Variants in CDIN1 observed in about 807,000 individuals in gnomAD.
CDIN1 encodes the protein CDAN1-interacting nuclease 1.
A neutral mutation model predicts 45.3 loss-of-function variants in CDIN1; 33 were observed. The ratio of observed to expected loss-of-function variants is 0.73; its 90% confidence interval spans 0.55 to 0.97. CDIN1 has a LOEUF of 0.97. Ranked by LOEUF, CDIN1 falls within the 50% of genes least tolerant of loss-of-function variation. CDIN1 has a pLI of 0.00. For missense variants in CDIN1, 303 were observed against 339.4 expected (o/e 0.89, Z 0.84); for synonymous variants, 118 against 124.4 (o/e 0.95, Z 0.34).
rs140348150 is a variant in CDIN1, at chr15:36,677,167, C to CA, written c.347-14518_347-14517insA. On this transcript the variant is annotated intron_variant, in intron 5 of 10. Transcript: ENST00000566621. Reference sequence around the variant, plus strand: ...TGGCTTTGGAGTGGTAACAAATAAGCTTTCTGCTTTTAAGCAGCTTGCCAA... The same window carrying CA: ...TGGCTTTGGAGTGGTAACAAATAAGCATTTCTGCTTTTAAGCAGCTTGCCAA... Among the ~76,000 whole-genome samples, 1,300 of 152,236 alleles carry CA rather than the reference C, an allele frequency of 8.5e-3. 22 individuals carry two copies. Among genetic ancestry groups the CA allele is most frequent in the African/African-American group, 0.029 (1,221 of 41,528 alleles).
intron 10 of CDIN1, among the ~76,000 whole-genome samples, chr15:36,741,626 A>G (rs531464596): frequency 6.6e-6 from 1 of 152,242 alleles, no homozygotes; most frequent in East Asian, 1.9e-4. Flanking sequence ...GGCTGACATC[A>G]AAGTATCGGC....
In CDIN1 at chr15:36,712,260, CTTTTTTTT is replaced by C. The variant is rs780494427; in HGVS notation, c.716+2315_716+2322del. On this transcript the variant is annotated intron_variant, in intron 10 of 10. Transcript: ENST00000566621. ...TTCAATTACTATTTATAGACTAATG[CTTTTTTTT>C]TTTTTTTTTTTTTTTGAGATGGAGT... is the stretch of plus-strand genomic sequence containing the variant. 3.2e-3 allele frequency among the ~76,000 whole-genome samples: 248 copies of C among 77,406 alleles called. 3 individuals are homozygous for C. Among genetic ancestry groups the C allele is most frequent in the African/African-American group, 0.012 (227 of 19,500 alleles). The allele number at this position is 77,406 out of a possible 152,430, so 50.8% of individuals were successfully genotyped here. A position where few individuals can be genotyped will look rare whatever the true frequency, so the allele number is the denominator to read the frequency against.
intron 10 of CDIN1, among the ~76,000 whole-genome samples, chr15:36,710,352 A>G (rs935113572): frequency 3.9e-5 from 6 of 152,186 alleles, no homozygotes; most frequent in Admixed American, 6.6e-5. Flanking sequence ...TGAGGAAAGT[A>G]GCCAAATGAT....
chr15:36,662,278 T>A (rs961974535), intron 5 of CDIN1, among the ~76,000 whole-genome samples: 2 of 152,238 alleles, frequency 1.3e-5, no homozygotes, highest in Non-Finnish European at 2.9e-5. Context: ...TCCTCTTTAT[T>A]TTCTTAAGGG....
At chr15:36,772,877 G>A (rs2141028827) in intron 10 of CDIN1, among the ~76,000 whole-genome samples, 1 of 152,298 alleles carries the variant, frequency 6.6e-6, no homozygotes, top group Admixed American at 6.5e-5. Flanking sequence ...TTCCTAAAGA[G>A]AGGAAAGAAA....
At chr15:36,663,513 T>C (rs1222387501) in intron 5 of CDIN1, among the ~76,000 whole-genome samples, 3 of 152,118 alleles carry the variant, frequency 2.0e-5, no homozygotes, top group Non-Finnish European at 4.4e-5. Flanking sequence ...CTTTTGTTCT[T>C]GTAATAGTGA....
chr15:36,697,309 C>T lies in CDIN1; in HGVS notation c.477-14C>T. 6.2e-7 allele frequency: 1 copy of T among 1,612,256 alleles called. No individual in the cohort carries two copies. The highest frequency in any genetic ancestry group is 8.5e-7 in the Non-Finnish European group (1 of 1,179,050). ...AATTCTGCCTGTGTTACCCCCTTAA[C>T]TGAAACTTCCCAGTGCCATTGGTCA... On this transcript the variant is annotated splice_polypyrimidine_tract_variant and intron_variant, in intron 7 of 10. Coordinates refer to ENST00000566621, the MANE Select transcript of CDIN1 (RefSeq NM_001321759.2).
chr15:36,782,379 C>T (rs1225612750), intron 10 of CDIN1, among the ~76,000 whole-genome samples: 1 of 152,154 alleles, frequency 6.6e-6, no homozygotes, highest in East Asian at 1.9e-4. Context: ...GGCAAAACCG[C>T]ATTTTAATAC....
At chr15:36,669,994 A>T (rs911058178) in intron 5 of CDIN1, among the ~76,000 whole-genome samples, 1 of 152,044 alleles carries the variant, frequency 6.6e-6, no homozygotes, top group African/African-American at 2.4e-5. Flanking sequence ...TTTAGTACAC[A>T]CTCAAGTTGA....
chr15:36,789,812 T>G (rs2054599334), intron 10 of CDIN1, among the ~76,000 whole-genome samples: 1 of 149,956 alleles, frequency 6.7e-6, no homozygotes, highest in African/African-American at 2.5e-5. Flanking sequence ...CTAAAGGCAT[T>G]AAAGTAAAGA....
Position 36,678,223 on chromosome 15 carries a change from G to C in CDIN1, c.347-13462G>C, listed in dbSNP as rs74985499. Among the ~76,000 whole-genome samples the C allele has an allele frequency of 8.5e-3, 1,291 of 152,274 alleles. 17 individuals are homozygous for C. The highest frequency in any genetic ancestry group is 0.029 in the African/African-American group (1,224 of 41,550). On this transcript the variant is annotated intron_variant, in intron 5 of 10. Coordinates refer to ENST00000566621, the MANE Select transcript of CDIN1 (RefSeq NM_001321759.2). ...TGGGCTAGTGCTTAGAATTCTTGAG[G>C]AGTAGTTCCAACTGCAAGGGCAAGT...
chr15:36,593,870 G>C (rs2037697834), intron 1 of CDIN1, among the ~76,000 whole-genome samples: 1 of 152,122 alleles, frequency 6.6e-6, no homozygotes, highest in African/African-American at 2.4e-5. Context: ...GGCTGAATGA[G>C]AGTTTTTAAA....
rs142291967 is a variant in CDIN1, at chr15:36,662,431, TA to T, written c.346+4527del. Among the ~76,000 whole-genome samples, 599 of 151,434 alleles carry T rather than the reference TA, an allele frequency of 4.0e-3. 3 individuals are homozygous for T. Among genetic ancestry groups the T allele is most frequent in the African/African-American group, 0.014 (565 of 41,216 alleles). On this transcript the variant is annotated intron_variant, in intron 5 of 10. Coordinates refer to ENST00000566621, the MANE Select transcript of CDIN1 (RefSeq NM_001321759.2). The stretch of plus-strand genomic sequence containing the variant: ...TTTAGTTTTCAAACAAACTGGTTTA[TA>T]CCTTTTGCCAGTATGCTAGGCCATC...
At chr15:36,746,933 A>G in intron 10 of CDIN1, 1 of 398,168 alleles carries the variant, frequency 2.5e-6, no homozygotes, top group Non-Finnish European at 4.4e-6. Context: ...TATGTTTTGT[A>G]GAGATGGGAT....
chr15:36,655,028 A>G (rs1159401694), intron 4 of CDIN1, among the ~76,000 whole-genome samples: 1 of 152,232 alleles, frequency 6.6e-6, no homozygotes, highest in Non-Finnish European at 1.5e-5. Flanking sequence ...GTTTGCATTA[A>G]AGATGACTCG....
At chr15:36,770,282 GGGGAGGGAGCGAAAGAGGGA>G (rs1044006614) in intron 10 of CDIN1, among the ~76,000 whole-genome samples, 20 of 151,896 alleles carry the variant, frequency 1.3e-4, no homozygotes, top group African/African-American at 4.6e-4. Context: ...AGGAAAAAAA[GGGGAGGGAGCGAAAGAGGGA>G]GGGAGGGAGG....
chr15:36,783,663 C>T (rs2054409415), intron 10 of CDIN1, among the ~76,000 whole-genome samples: 1 of 152,110 alleles, frequency 6.6e-6, no homozygotes, highest in South Asian at 2.1e-4. Context: ...CATGAACATA[C>T]AGTAAACACG....
chr15:36,643,132 ATTT>A (rs1396733051), intron 1 of CDIN1, among the ~76,000 whole-genome samples: 3 of 152,200 alleles, frequency 2.0e-5, no homozygotes, highest in African/African-American at 7.2e-5. Flanking sequence ...ATTTCTCTGC[ATTT>A]TTGAGTTATT....
chr15:36,705,276 A>G (rs1352581895), intron 8 of CDIN1: 2 of 152,196 alleles, frequency 1.3e-5, no homozygotes, highest in African/African-American at 2.4e-5. Context: ...AAAACAAGAT[A>G]CTATCTAGTT....
Sources: gnomAD v4.1 joint callset for allele counts (sites outside exome capture counted in the v4.1 genomes callset) on GRCh38, gnomAD v4.1.1 for gene constraint, MANE v1.5 for transcripts, NCBI Gene and HGNC (gene_info 2026-07-23, HGNC 2026-07-21) for gene names.